The following RGS7 variants were observed in gnomAD, a reference collection of about 807,000 sequenced individuals.
RGS7 encodes regulator of G-protein signaling 7.
RGS7 carries 27 observed loss-of-function variants against 81.1 expected under a neutral mutation model. The observed-to-expected ratio is 0.33, with a 90% CI of 0.25 to 0.46. The LOEUF (loss-of-function observed/expected upper bound fraction) is 0.46, where lower values mean the gene tolerates loss of function less well. Ranked by LOEUF, RGS7 falls within the 20% of genes least tolerant of loss-of-function variation. RGS7 has a pLI of 1.00. For synonymous variants in RGS7, 208 were observed against 207.7 expected (o/e 1.00, Z -0.01); for missense variants, 396 against 607.4 (o/e 0.65, Z 3.66).
In RGS7 at chr1:241,291,570, C is replaced by CTTTTTTTTTTTTTTTTT. The variant is rs397947911; in HGVS notation, c.78+64112_78+64128dup. On this transcript the variant is annotated intron_variant, in intron 2 of 18. Coordinates refer to ENST00000440928, the MANE Select transcript of RGS7 (RefSeq NM_001364886.1). Reference sequence around the variant, plus strand: ...CCTTTCTGGCTCAGAGAATTCCCAGCTTTTTTTTTTTTTTTTTGCTTTTTT... The same window carrying CTTTTTTTTTTTTTTTTT: ...CCTTTCTGGCTCAGAGAATTCCCAGCTTTTTTTTTTTTTTTTTTTTTTTTTTTTTTTTTTGCTTTTTT... Among the ~76,000 whole-genome samples, 334 of 94,120 alleles carry CTTTTTTTTTTTTTTTTT rather than the reference C, an allele frequency of 3.5e-3. 3 individuals carry two copies. Among genetic ancestry groups the CTTTTTTTTTTTTTTTTT allele is most frequent in the African/African-American group, 4.8e-3 (116 of 24,340 alleles). The allele number at this position is 94,120 out of a possible 152,430, so 61.7% of individuals were successfully genotyped here. A position where few individuals can be genotyped will look rare whatever the true frequency, so the allele number is the denominator to read the frequency against.
At chr1:241,008,170 CCTT>C (rs2058771405) in intron 3 of RGS7, among the ~76,000 whole-genome samples, 1 of 151,890 alleles carries the variant, frequency 6.6e-6, no homozygotes, top group Non-Finnish European at 1.5e-5. Flanking sequence ...CAAAAACTGT[CCTT>C]CAAAAAAGAC....
intron 2 of RGS7, among the ~76,000 whole-genome samples, chr1:241,154,294 A>G (rs1056833519): frequency 1.3e-5 from 2 of 152,136 alleles, no homozygotes; most frequent in African/African-American, 4.8e-5. Flanking sequence ...CAAGGAGACA[A>G]AGAGCCCCAA....
chr1:240,876,289 G>A (rs964965789), intron 6 of RGS7, among the ~76,000 whole-genome samples: 4 of 152,086 alleles, frequency 2.6e-5, no homozygotes, highest in Admixed American at 6.6e-5. Context: ...GATAAGGCGC[G>A]GTCACCCCTG....
chr1:240,837,109 G>A (rs559299015), intron 9 of RGS7, among the ~76,000 whole-genome samples: 3 of 152,280 alleles, frequency 2.0e-5, no homozygotes, highest in African/African-American at 7.2e-5. Flanking sequence ...TTAATGTTCA[G>A]CTTTAAATTA....
At chr1:240,975,686 T>A (rs1428895685) in intron 4 of RGS7, among the ~76,000 whole-genome samples, 1 of 152,238 alleles carries the variant, frequency 6.6e-6, no homozygotes, top group African/African-American at 2.4e-5. Flanking sequence ...TTTATTTTGA[T>A]AAATTTGCTC....
At chr1:241,117,758 A>G (rs1460955355) in intron 2 of RGS7, among the ~76,000 whole-genome samples, 2 of 152,218 alleles carry the variant, frequency 1.3e-5, no homozygotes, top group African/African-American at 2.4e-5. Context: ...AAGCTGCAAT[A>G]TATTTCTTAT....
At chr1:240,830,374 A>G (rs1693614360) in intron 9 of RGS7, among the ~76,000 whole-genome samples, 1 of 152,212 alleles carries the variant, frequency 6.6e-6, no homozygotes, top group South Asian at 2.1e-4. Flanking sequence ...ATGAGATGGT[A>G]CCTGTTGCAA....
At chr1:241,123,794 T>C (rs947908825) in intron 2 of RGS7, among the ~76,000 whole-genome samples, 1 of 152,038 alleles carries the variant, frequency 6.6e-6, no homozygotes, top group Non-Finnish European at 1.5e-5. Flanking sequence ...GGTTTTGGTA[T>C]CAAATAAGCC....
intron 3 of RGS7, among the ~76,000 whole-genome samples, chr1:240,990,196 G>A (rs1251120058): frequency 1.3e-5 from 2 of 152,046 alleles, no homozygotes; most frequent in Admixed American, 6.6e-5. Flanking sequence ...TATCGATGGA[G>A]GCATTTTCCA....
rs1388590625 is a variant in RGS7 at position 240,932,512 on chromosome 1, A to ATTTTTTTTTTTT, written c.334-1745_334-1744insAAAAAAAAAAAA. On this transcript the variant is annotated intron_variant, in intron 5 of 18. Transcript: ENST00000440928. ...AAACTTTGCTTTCATGTAGGGTGTC[A>ATTTTTTTTTTTT]CTTTTTTTTTTTTTGAGACAGGGTC... Among the ~76,000 whole-genome samples, 2 of 16,096 alleles carry ATTTTTTTTTTTT rather than the reference A, an allele frequency of 1.2e-4. 1 individual carries two copies. 10.6% of individuals were successfully genotyped at this position (16,096 alleles called of 152,430 possible). A position where few individuals can be genotyped will look rare whatever the true frequency, so the allele number is the denominator to read the frequency against.
intron 2 of RGS7, among the ~76,000 whole-genome samples, chr1:241,213,608 T>C (rs539888973): frequency 1.3e-5 from 2 of 151,978 alleles, no homozygotes; most frequent in East Asian, 3.9e-4. Context: ...TTAGACCACT[T>C]GATATATAAT....
At chr1:240,886,411 C>T (rs1033308208) in intron 6 of RGS7, among the ~76,000 whole-genome samples, 2 of 152,184 alleles carry the variant, frequency 1.3e-5, no homozygotes, top group African/African-American at 2.4e-5. Flanking sequence ...TTGAATTATT[C>T]GTTGAATATT....
chr1:241,318,834 AT>A (rs2081044491), intron 2 of RGS7, among the ~76,000 whole-genome samples: 2 of 152,364 alleles, frequency 1.3e-5, no homozygotes, highest in African/African-American at 4.8e-5. Context: ...ATCAACATTT[AT>A]ATTTTAATCA....
chr1:240,812,416 C>T (rs1279567428), intron 13 of RGS7, among the ~76,000 whole-genome samples: 3 of 150,154 alleles, frequency 2.0e-5, no homozygotes, highest in Admixed American at 6.7e-5. Context: ...TATTCTGACC[C>T]CAGTGCCACA....
chr1:240,811,403 C>T (rs1689826636), intron 14 of RGS7, among the ~76,000 whole-genome samples: 1 of 152,314 alleles, frequency 6.6e-6, no homozygotes, highest in Non-Finnish European at 1.5e-5. Flanking sequence ...ACGAACAGCT[C>T]AATGCTGTGC....
chr1:240,793,792 T>G (rs2103021835), intron 18 of RGS7, among the ~76,000 whole-genome samples: 1 of 151,406 alleles, frequency 6.6e-6, no homozygotes, highest in East Asian at 2.0e-4. Flanking sequence ...TTTTGTATTG[T>G]TAGTAGAGAC....
chr1:240,855,209 A>G (rs1249844490), intron 9 of RGS7, among the ~76,000 whole-genome samples: 2 of 150,756 alleles, frequency 1.3e-5, no homozygotes, highest in Admixed American at 1.3e-4. Flanking sequence ...ATTGCAAACA[A>G]TATAATATTT....
chr1:241,189,470 C>T (rs2072418863), intron 2 of RGS7, among the ~76,000 whole-genome samples: 1 of 152,182 alleles, frequency 6.6e-6, no homozygotes, highest in South Asian at 2.1e-4. Context: ...TCTAGCTTGG[C>T]TTTTCATCCT....
At chr1:241,107,719 A>G (rs771636281) in intron 2 of RGS7, among the ~76,000 whole-genome samples, 10 of 152,176 alleles carry the variant, frequency 6.6e-5, no homozygotes, top group Non-Finnish European at 1.3e-4. Context: ...ACACTTAATC[A>G]TATTTTCTGA....
Sources: allele counts gnomAD v4.1 joint callset (sites outside exome capture counted in the v4.1 genomes callset), GRCh38; gene constraint gnomAD v4.1.1; transcripts MANE v1.5; gene names NCBI Gene and HGNC (gene_info 2026-07-23, HGNC 2026-07-21).